PHACTR3: variants seen among roughly 807,000 people sequenced by gnomAD.
PHACTR3 encodes the protein phosphatase and actin regulator 3.
Under a neutral mutation model 66.8 loss-of-function variants are expected in PHACTR3, and 16 were observed. The observed-to-expected ratio is 0.24, with a 90% CI of 0.16 to 0.36. The LOEUF (loss-of-function observed/expected upper bound fraction) is 0.36. PHACTR3 is among the 10% of genes least tolerant of loss of function. PHACTR3 has a pLI of 1.00. For synonymous variants in PHACTR3, 323 were observed against 292.1 expected (o/e 1.11, Z -1.08); for missense variants, 647 against 719.9 (o/e 0.90, Z 1.16).
chr20:59,699,663 T>A (rs2037425397), intron 1 of PHACTR3, among the ~76,000 whole-genome samples: 1 of 152,104 alleles, frequency 6.6e-6, no homozygotes, highest in South Asian at 2.1e-4. Flanking sequence ...TCACCTTTAT[T>A]GGATAGTGAA....
chr20:59,840,350 C>CTATT lies in PHACTR3; in HGVS notation c.1385-17_1385-14dup. On this transcript the variant is annotated intron_variant, in intron 9 of 12. Transcript: ENST00000371015. ...GTTTCTCTTTGTTATTTTTTTTTTC[C>CTATT]TATTTTAATCTTTCACAGAAAGGAA... 3 of 1,589,602 alleles carry CTATT rather than the reference C, an allele frequency of 1.9e-6. No individual in the cohort carries two copies. Among genetic ancestry groups the CTATT allele is most frequent in the Non-Finnish European group, 2.6e-6 (3 of 1,172,098 alleles).
Position 59,840,441 on chromosome 20 carries a change from C to T in PHACTR3, c.1446+11C>T, listed in dbSNP as rs1253140219. The T allele has an allele frequency of 1.2e-6, 2 of 1,612,670 alleles. No homozygotes were observed. Among genetic ancestry groups the T allele is most frequent in the Middle Eastern group, 1.6e-4 (1 of 6,070 alleles). ...AGATTGACAAGAAAGGTAGTATAAGCATTTTATTGCCTGAATAATAAAAGG... is the reference window on the plus strand; with the variant it reads ...AGATTGACAAGAAAGGTAGTATAAGTATTTTATTGCCTGAATAATAAAAGG... On this transcript the variant is annotated intron_variant, in intron 10 of 12. Coordinates refer to ENST00000371015, the MANE Select transcript of PHACTR3 (RefSeq NM_080672.5).
At chr20:59,589,230 A>G (rs774816245) in intron 1 of PHACTR3, among the ~76,000 whole-genome samples, 3 of 152,204 alleles carry the variant, frequency 2.0e-5, no homozygotes, top group East Asian at 1.9e-4. Context: ...CCCTTGCACT[A>G]TTATTAATAT....
intron 1 of PHACTR3, among the ~76,000 whole-genome samples, chr20:59,699,201 T>C (rs1601133466): frequency 6.6e-6 from 1 of 152,004 alleles, no homozygotes; most frequent in Non-Finnish European, 1.5e-5. Flanking sequence ...ACCCCAGGAG[T>C]TGGCGATGTT....
At chr20:59,837,795 G>A (rs2058991550) in intron 9 of PHACTR3, among the ~76,000 whole-genome samples, 8 of 152,162 alleles carry the variant, frequency 5.3e-5, no homozygotes. Context: ...CAAGACACAG[G>A]AAGCACCACA....
At chr20:59,833,540 T>C (rs544125283) in intron 8 of PHACTR3, among the ~76,000 whole-genome samples, 118 of 152,072 alleles carry the variant, frequency 7.8e-4, no homozygotes, top group Non-Finnish European at 1.2e-3. Flanking sequence ...AAAGACAAGG[T>C]TCCAACAAAG....
At chr20:59,703,032 C>G (rs1282834178) in intron 1 of PHACTR3, among the ~76,000 whole-genome samples, 1 of 152,146 alleles carries the variant, frequency 6.6e-6, no homozygotes, top group Non-Finnish European at 1.5e-5. Flanking sequence ...TACTTCTCTC[C>G]CTTCCTCTTC....
intron 1 of PHACTR3, among the ~76,000 whole-genome samples, chr20:59,615,667 T>C (rs1281601874): frequency 6.6e-6 from 1 of 152,192 alleles, no homozygotes; most frequent in Non-Finnish European, 1.5e-5. Context: ...CTCTTCTCCG[T>C]GCATCTCTTA....
chr20:59,578,108 G>A (rs988473265), intron 1 of PHACTR3, among the ~76,000 whole-genome samples: 2 of 152,252 alleles, frequency 1.3e-5, no homozygotes, highest in African/African-American at 4.8e-5. Flanking sequence ...ACGTGGGACT[G>A]GCCCCTCGCC....
At chr20:59,645,856 C>T (rs539281861) in intron 1 of PHACTR3, among the ~76,000 whole-genome samples, 38 of 152,248 alleles carry the variant, frequency 2.5e-4, no homozygotes, top group South Asian at 2.1e-3. Context: ...TTAATAAATA[C>T]GGCTAGAATT....
At position 59,798,415 on chromosome 20, in the gene PHACTR3, A is replaced by G. The variant is rs190537088; in HGVS notation, c.1175-7626A>G. On this transcript the variant is annotated intron_variant, in intron 7 of 12. Coordinates refer to ENST00000371015, the MANE Select transcript of PHACTR3 (RefSeq NM_080672.5). Reference sequence around the variant, plus strand: ...TAAAAACTTCCTTTCACTTTTTTGAAATAATTTACATAAAATTAGTATTAT... The same window carrying G: ...TAAAAACTTCCTTTCACTTTTTTGAGATAATTTACATAAAATTAGTATTAT... 8.5e-4 allele frequency among the ~76,000 whole-genome samples: 130 copies of G among 152,330 alleles called. 1 individual carries two copies. Among genetic ancestry groups the G allele is most frequent in the African/African-American group, 2.5e-3 (104 of 41,578 alleles).
intron 1 of PHACTR3, among the ~76,000 whole-genome samples, chr20:59,613,033 C>G (rs1409929330): frequency 6.6e-6 from 1 of 152,144 alleles, no homozygotes; most frequent in Non-Finnish European, 1.5e-5. Flanking sequence ...CCAAGCCATT[C>G]ATGAGGAATC....
In PHACTR3 at chr20:59,743,168, C is replaced by G; in HGVS notation, c.180C>G (p.Pro60=). The G allele has an allele frequency of 6.2e-7, 1 of 1,614,074 alleles. No individual in the cohort carries two copies. The highest frequency in any genetic ancestry group is 1.1e-5 in the South Asian group (1 of 91,082). Residue 60 remains proline (P), a synonymous_variant, in exon 2 of 13, where the codon CCC becomes CCG. Coordinates refer to ENST00000371015, the MANE Select transcript of PHACTR3 (RefSeq NM_080672.5). The part of the protein sequence containing the change: ...PEYLVSGIRT[P]PVRRNSKLAT... Reference sequence around the variant, plus strand: ...ATCTGGTCTCAGGGATTCGAACTCCCCCTGTGAGGAGGAACAGCAAACTGG... The same window carrying G: ...ATCTGGTCTCAGGGATTCGAACTCCGCCTGTGAGGAGGAACAGCAAACTGG...
At chr20:59,710,851 C>G (rs565579269) in intron 1 of PHACTR3, among the ~76,000 whole-genome samples, 20 of 152,064 alleles carry the variant, frequency 1.3e-4, no homozygotes, top group Non-Finnish European at 1.6e-4. Flanking sequence ...TCCTACCCAC[C>G]CCTCAAGGTC....
At chr20:59,742,131 C>A (rs2039185141) in intron 1 of PHACTR3, among the ~76,000 whole-genome samples, 2 of 152,230 alleles carry the variant, frequency 1.3e-5, no homozygotes, top group South Asian at 4.1e-4. Context: ...GCCTGTATAC[C>A]ACCCCTGTTC....
At chr20:59,754,809 C>A (rs1048681458) in intron 3 of PHACTR3, among the ~76,000 whole-genome samples, 1 of 152,248 alleles carries the variant, frequency 6.6e-6, no homozygotes, top group Admixed American at 6.5e-5. Context: ...CTGCATCATA[C>A]CCACTGTGTC....
chr20:59,600,781 G>A (rs113003222), upstream of PHACTR3, among the ~76,000 whole-genome samples: 19 of 152,198 alleles, frequency 1.2e-4, no homozygotes, highest in African/African-American at 3.4e-4. Flanking sequence ...TTGGGTTTTC[G>A]GATCAAGGAG....
At chr20:59,580,359 G>T (rs2032823257) in intron 1 of PHACTR3, among the ~76,000 whole-genome samples, 1 of 152,106 alleles carries the variant, frequency 6.6e-6, no homozygotes, top group African/African-American at 2.4e-5. Flanking sequence ...CTGTCCAGCT[G>T]CCACCTGAAG....
intron 8 of PHACTR3, among the ~76,000 whole-genome samples, chr20:59,815,243 A>G (rs1365862175): frequency 6.6e-6 from 1 of 152,128 alleles, no homozygotes; most frequent in African/African-American, 2.4e-5. Flanking sequence ...TCAGTCTCTG[A>G]AATTGCCAGT....
Sources: allele counts gnomAD v4.1 joint callset (sites outside exome capture counted in the v4.1 genomes callset), GRCh38; gene constraint gnomAD v4.1.1; transcripts MANE v1.5; gene names NCBI Gene and HGNC (gene_info 2026-07-23, HGNC 2026-07-21).